The following RYR2 variants were observed in gnomAD, a reference collection of about 807,000 sequenced individuals.
RYR2 encodes ryanodine receptor 2.
A neutral mutation model predicts 601.1 loss-of-function variants in RYR2; 227 were observed. The observed-to-expected ratio is 0.38, with a 90% CI of 0.34 to 0.42. The LOEUF is 0.42. Ranked by LOEUF, RYR2 falls within the 10% of genes least tolerant of loss-of-function variation. The pLI, the probability that RYR2 is intolerant of heterozygous loss-of-function variation, is 1.00. For missense variants in RYR2, 4,646 were observed against 6,156.5 expected, an observed-to-expected ratio of 0.75 and a Z score of 8.21; for synonymous variants, 2,223 against 2,175.1, an observed-to-expected ratio of 1.02 and a Z score of -0.61.
At position 237,819,235 on chromosome 1, in the gene RYR2, G is replaced by A. The variant is rs933619092; in HGVS notation, c.14590+43G>A. The stretch of plus-strand genomic sequence containing the variant: ...TGAAGCTGATGAACATCTAGAATTT[G>A]AGCCACATGTTGCTGAAGTTAATAT... On this transcript the variant is annotated intron_variant, in intron 101 of 104. Coordinates refer to ENST00000366574, the MANE Select transcript of RYR2 (RefSeq NM_001035.3). The surrounding 1 kb of genome is among the most constrained non-coding windows in gnomAD (Gnocchi z 4.0). The A allele has an allele frequency of 1.5e-5, 24 of 1,565,416 alleles. No homozygotes were observed. The highest frequency in any genetic ancestry group is 2.0e-5 in the Non-Finnish European group (23 of 1,139,256).
At chr1:237,604,119 A>G (rs1676828934) in intron 35 of RYR2, among the ~76,000 whole-genome samples, 1 of 152,208 alleles carries the variant, frequency 6.6e-6, no homozygotes, top group Admixed American at 6.5e-5. Flanking sequence ...CAGAATATAC[A>G]TTCTTCTCAT....
chr1:237,578,738 C>A (rs897516234), intron 29 of RYR2, among the ~76,000 whole-genome samples: 5 of 75,830 alleles, frequency 6.6e-5, no homozygotes, highest in Non-Finnish European at 1.4e-4. Context: ...GGGGCATGTA[C>A]GCTCCCTCAG....
chr1:237,615,739 C>T (rs899838093), intron 37 of RYR2, among the ~76,000 whole-genome samples: 3 of 152,112 alleles, frequency 2.0e-5, no homozygotes, highest in East Asian at 1.9e-4. Context: ...GAAATATACA[C>T]TCATTTATGC....
intron 21 of RYR2, 107 bp from the exon 22 acceptor site, chr1:237,503,182 T>G: frequency 1.1e-6 from 1 of 951,660 alleles, no homozygotes; most frequent in Non-Finnish European, 1.6e-6. Context: ...AAATGTGGCT[T>G]CTGATAAAAT....
intron 27 of RYR2, chr1:237,555,097 A>G (rs1451127851): frequency 6.6e-6 from 1 of 152,096 alleles, no homozygotes; most frequent in African/African-American, 2.4e-5. Context: ...CATCCTATGG[A>G]GAACGTTAAT....
chr1:237,506,593 C>A, intron 22 of RYR2, 117 bp from the exon 23 acceptor site: 2 of 606,942 alleles, frequency 3.3e-6, no homozygotes, highest in South Asian at 2.1e-5. Context: ...GAACTTTGTT[C>A]TATGATTACT....
chr1:237,747,654 A>G (rs1043536108), intron 80 of RYR2, among the ~76,000 whole-genome samples: 1 of 152,242 alleles, frequency 6.6e-6, no homozygotes, highest in Non-Finnish European at 1.5e-5. Context: ...TGTAAGATAT[A>G]CTGCCCTCCA....
At chr1:237,354,794 G>A (rs919327240) in intron 3 of RYR2, among the ~76,000 whole-genome samples, 2 of 152,104 alleles carry the variant, frequency 1.3e-5, no homozygotes, top group African/African-American at 4.8e-5. Flanking sequence ...ACAACAGTGT[G>A]TTTGTAAAAT....
rs575220969 is a variant in RYR2, at chr1:237,251,484, C to T, written c.49-19013C>T. On this transcript the variant is annotated intron_variant, in intron 1 of 104. Transcript: ENST00000366574. Reference sequence around the variant, plus strand: ...TTTTCTCTTTGTAATCTGTTTAGATCGGTTGGCCCCTGACTTTCTTTCTAC... The same window carrying T: ...TTTTCTCTTTGTAATCTGTTTAGATTGGTTGGCCCCTGACTTTCTTTCTAC... 3.9e-5 allele frequency among the ~76,000 whole-genome samples: 6 copies of T among 152,228 alleles called. No homozygotes were observed. The South Asian group carries it at 1.2e-3, about 32-fold the overall frequency.
chr1:237,090,918 AT>A, intron 1 of RYR2, among the ~76,000 whole-genome samples: 1 of 152,372 alleles, frequency 6.6e-6, no homozygotes, highest in East Asian at 1.9e-4. Context: ...ACTTGAGAAT[AT>A]TATCCCATGT....
In RYR2 at chr1:237,726,351, A is replaced by G. The variant is rs1361070335; in HGVS notation, c.10725+43A>G. 3.1e-6 allele frequency: 4 copies of G among 1,307,976 alleles called. No individual in the cohort carries two copies. The East Asian group carries it at 9.6e-5, about 31-fold the overall frequency. 81.0% of individuals were successfully genotyped at this position (1,307,976 alleles called of 1,614,324 possible). On this transcript the variant is annotated intron_variant, in intron 75 of 104. Coordinates refer to ENST00000366574, the MANE Select transcript of RYR2 (RefSeq NM_001035.3). ...TGGCCTAGAGATTACTAATTAATTT[A>G]GGTTTATATGTTGGGATTTTTTCTT...
At position 237,756,300 on chromosome 1, in the gene RYR2, G is replaced by C. The variant is rs770241781; in HGVS notation, c.11158G>C (p.Glu3720Gln). The C allele has an allele frequency of 6.2e-7, 1 of 1,612,686 alleles. No homozygotes were observed. Among genetic ancestry groups the C allele is most frequent in the Non-Finnish European group, 8.5e-7 (1 of 1,178,830 alleles). ...EVKSFEEKEM[E>Q]KQKLLYQQAR... is the part of the protein sequence containing the mutation. ...GATTTGTGTTCAGGAAAAAGAAATG[G>C]AAAAGCAAAAGCTTCTATACCAGCA... Residue 3720 changes from glutamate (E) to glutamine (Q), a missense_variant, in exon 81 of 105, where the codon GAA (glutamate) becomes CAA (glutamine). Coordinates refer to ENST00000366574, the MANE Select transcript of RYR2 (RefSeq NM_001035.3).
At chr1:237,369,486 C>A in intron 5 of RYR2, 48 bp from the exon 6 acceptor site, 2 of 1,470,162 alleles carry the variant, frequency 1.4e-6, no homozygotes, top group South Asian at 1.2e-5. Flanking sequence ...TTAAGTTACT[C>A]TTTTGTGTTT....
At chr1:237,410,075 G>C (rs1704291884) in intron 10 of RYR2, among the ~76,000 whole-genome samples, 1 of 152,082 alleles carries the variant, frequency 6.6e-6, no homozygotes, top group Admixed American at 6.6e-5. Flanking sequence ...CATGGTAAAT[G>C]TAAAAAAGAG....
At chr1:237,496,283 C>G (rs926467996) in intron 19 of RYR2, among the ~76,000 whole-genome samples, 1 of 152,128 alleles carries the variant, frequency 6.6e-6, no homozygotes, top group Non-Finnish European at 1.5e-5. Flanking sequence ...TGGCACTCGC[C>G]TTTAGTGCCA....
At chr1:237,761,231 G>A (rs1693410405) in intron 84 of RYR2, among the ~76,000 whole-genome samples, 1 of 152,142 alleles carries the variant, frequency 6.6e-6, no homozygotes. Context: ...CTCCTTGTGT[G>A]CCAGCCCCAT....
chr1:237,576,400 A>G (rs908385733), intron 29 of RYR2, among the ~76,000 whole-genome samples: 3 of 152,318 alleles, frequency 2.0e-5, no homozygotes, highest in Middle Eastern at 3.4e-3. Context: ...TTGTAGGGAT[A>G]GACAAATTGA....
chr1:237,283,843 TA>T (rs1691155884), intron 2 of RYR2, among the ~76,000 whole-genome samples: 2 of 152,196 alleles, frequency 1.3e-5, no homozygotes, highest in Non-Finnish European at 1.5e-5. Flanking sequence ...GTACAGGTGG[TA>T]TTTGGTTACA....
chr1:237,627,985 C>T lies in RYR2; in HGVS notation c.6345C>T (p.Asp2115=). 1 of 1,613,958 alleles carries T rather than the reference C, an allele frequency of 6.2e-7. No homozygotes were observed. Among genetic ancestry groups the T allele is most frequent in the Non-Finnish European group, 8.5e-7 (1 of 1,179,888 alleles). The change falls in exon 41 of 105, where the codon GAC becomes GAT. Residue 2115 remains aspartate, a synonymous_variant. Coordinates refer to ENST00000366574, the MANE Select transcript of RYR2 (RefSeq NM_001035.3). ...TYTINGVSVE[D]TINLLASLGQ... is the part of the protein sequence containing the mutation. ...CGATAAATGGTGTGTCCGTGGAGGA[C>T]ACCATCAACCTGCTGGCATCCCTTG...
Sources: allele counts gnomAD v4.1 joint callset (sites outside exome capture counted in the v4.1 genomes callset), GRCh38; gene constraint gnomAD v4.1.1; non-coding constraint Gnocchi (gnomAD v3.1); transcripts MANE v1.5; gene names NCBI Gene and HGNC (gene_info 2026-07-23, HGNC 2026-07-21).